Variants in B3GLCT observed in about 807,000 individuals in gnomAD.
B3GLCT encodes beta 3-glucosyltransferase.
Under a neutral mutation model 63.4 loss-of-function variants are expected in B3GLCT, and 65 were observed. That is an observed-to-expected ratio of 1.03 (90% CI 0.84 to 1.26). The LOEUF (loss-of-function observed/expected upper bound fraction) is 1.26, where lower values mean the gene tolerates loss of function less well. Among genes scored for constraint, B3GLCT ranks in the 50% most tolerant of loss-of-function variants. The pLI is 0.00. For missense variants in B3GLCT, 577 were observed against 604.8 expected (o/e 0.95, Z 0.48); for synonymous variants, 233 against 219.2 (o/e 1.06, Z -0.55).
At chr13:31,312,428 T>C (rs1367045644) in intron 12 of B3GLCT, 6 of 152,130 alleles carry the variant, frequency 3.9e-5, no homozygotes, top group Non-Finnish European at 8.8e-5. Flanking sequence ...AGTAAATACA[T>C]TGGAAAGCAG....
chr13:31,202,142 A>G lies in B3GLCT; in HGVS notation c.70+1988A>G, dbSNP rs188525287. Among the ~76,000 whole-genome samples the G allele has an allele frequency of 1.9e-3, 289 of 152,358 alleles. 1 individual carries two copies. Among genetic ancestry groups the G allele is most frequent in the Admixed American group, 0.016 (238 of 15,302 alleles). ...CATGTGAACAATCTTGATAGTTTAT[A>G]AATACCTTAAATATTCCCATATAAG... On this transcript the variant is annotated intron_variant, in intron 1 of 14. Transcript: ENST00000343307.
At chr13:31,295,568 G>T (rs1386200819) in intron 12 of B3GLCT, among the ~76,000 whole-genome samples, 1 of 152,186 alleles carries the variant, frequency 6.6e-6, no homozygotes, top group Admixed American at 6.5e-5. Flanking sequence ...CCTAGCTGTG[G>T]TGGCCTCCAC....
chr13:31,312,527 T>C (rs1401601485), intron 12 of B3GLCT: 1 of 152,156 alleles, frequency 6.6e-6, no homozygotes, highest in African/African-American at 2.4e-5. Context: ...ACAACAAGAA[T>C]GTGGAAACAA....
chr13:31,275,892 A>T (rs1219438815), intron 9 of B3GLCT, among the ~76,000 whole-genome samples: 3 of 152,172 alleles, frequency 2.0e-5, no homozygotes, highest in Non-Finnish European at 1.5e-5. Flanking sequence ...TTCTAGGCAG[A>T]ATGCTTGCTT....
At chr13:31,215,952 C>A (rs987453730) in intron 2 of B3GLCT, among the ~76,000 whole-genome samples, 1 of 152,150 alleles carries the variant, frequency 6.6e-6, no homozygotes, top group Non-Finnish European at 1.5e-5. Context: ...AATCTCAGAG[C>A]TGCTGCTTTT....
At chr13:31,222,443 T>G (rs1029418712) in intron 2 of B3GLCT, among the ~76,000 whole-genome samples, 2 of 152,168 alleles carry the variant, frequency 1.3e-5, no homozygotes, top group African/African-American at 2.4e-5. Context: ...CCCCTAGGAC[T>G]ACTCCTCAGG....
chr13:31,300,603 C>T (rs1012320924), intron 12 of B3GLCT, among the ~76,000 whole-genome samples: 20 of 152,030 alleles, frequency 1.3e-4, no homozygotes, highest in African/African-American at 2.7e-4. Context: ...ATGTGGAAAC[C>T]GGTCCTTGTA....
At chr13:31,317,908 A>C (rs1482173407) in intron 13 of B3GLCT, among the ~76,000 whole-genome samples, 1 of 151,404 alleles carries the variant, frequency 6.6e-6, no homozygotes, top group Non-Finnish European at 1.5e-5. Context: ...AGTATGTCAT[A>C]CTTGCTAGAA....
rs991731861 is a variant in B3GLCT, at chr13:31,246,929, CTT to C, written c.271-89_271-88del. The C allele has an allele frequency of 4.0e-6, 4 of 991,372 alleles. 1 individual carries two copies. The South Asian group carries it at 4.6e-5, about 11-fold the overall frequency. The allele number at this position is 991,372 out of a possible 1,614,324, so 61.4% of individuals were successfully genotyped here. ...TTTAAGCCAAGCCTTTTCTTTTTTT[CTT>C]TTTTCTTTTCTTTTCTTTTCTTTTT... On this transcript the variant is annotated intron_variant, in intron 4 of 14. Coordinates refer to ENST00000343307, the MANE Select transcript of B3GLCT (RefSeq NM_194318.4).
chr13:31,266,648 A>G (rs1593284864), intron 7 of B3GLCT, among the ~76,000 whole-genome samples: 1 of 152,186 alleles, frequency 6.6e-6, no homozygotes, highest in Non-Finnish European at 1.5e-5. Context: ...TAACTCTTCC[A>G]CTAGAAGTCT....
chr13:31,236,237 C>T (rs921182805), intron 4 of B3GLCT, among the ~76,000 whole-genome samples: 7 of 152,184 alleles, frequency 4.6e-5, no homozygotes, highest in African/African-American at 1.7e-4. Context: ...TTGTCCTTAG[C>T]TTTTGAAGCT....
In B3GLCT at chr13:31,226,152, C is replaced by A. The variant is rs553348479; in HGVS notation, c.161-3033C>A. Among the ~76,000 whole-genome samples, 3 of 152,288 alleles carry A rather than the reference C, an allele frequency of 2.0e-5. 1 individual carries two copies. In the South Asian group the frequency reaches 6.2e-4, roughly 32 times the overall value. ...TGGAAGCTCTCCTTGCACTCGCCCCCGATTGTCTGGGCTCCAGTGCCCTGT... is the reference window on the plus strand; with the variant it reads ...TGGAAGCTCTCCTTGCACTCGCCCCAGATTGTCTGGGCTCCAGTGCCCTGT... On this transcript the variant is annotated intron_variant, in intron 3 of 14. Transcript: ENST00000343307.
Position 31,316,431 on chromosome 13 carries a change from A to ATATATATATAT in B3GLCT, c.1065-1135_1065-1134insTATATATATAT, listed in dbSNP as rs1555255278. On this transcript the variant is annotated intron_variant, in intron 12 of 14. Coordinates refer to ENST00000343307, the MANE Select transcript of B3GLCT (RefSeq NM_194318.4). ...TTTATATATATATATATATATATAT[A>ATATATATATAT]AATTTTTTTTTTTTGAGACGGAGTT... Among the ~76,000 whole-genome samples, 57 of 110,016 alleles carry ATATATATATAT rather than the reference A, an allele frequency of 5.2e-4. No individual in the cohort carries two copies. The East Asian group carries it at 5.5e-3, about 11-fold the overall frequency. 72.2% of individuals were successfully genotyped at this position (110,016 alleles called of 152,430 possible). A position where few individuals can be genotyped will look rare whatever the true frequency, so the allele number is the denominator to read the frequency against.
chr13:31,208,872 A>G (rs1320824880), intron 1 of B3GLCT, among the ~76,000 whole-genome samples: 3 of 151,476 alleles, frequency 2.0e-5, no homozygotes, highest in Non-Finnish European at 4.4e-5. Flanking sequence ...GGCCCCTGGT[A>G]CCTTCAGCCT....
At chr13:31,282,750 T>G (rs1260429963) in intron 10 of B3GLCT, among the ~76,000 whole-genome samples, 3 of 152,214 alleles carry the variant, frequency 2.0e-5, no homozygotes, top group Non-Finnish European at 4.4e-5. Flanking sequence ...TCATAATATC[T>G]TAGTATATCT....
intron 4 of B3GLCT, 22 bp downstream of exon 4, chr13:31,229,316 G>T (rs769985615): frequency 1.5e-6 from 2 of 1,365,664 alleles, no homozygotes; most frequent in South Asian, 1.2e-5. Context: ...TGGCTGGGGG[G>T]TCTGCCAGTT....
In B3GLCT at chr13:31,213,047, C is replaced by T. The variant is rs111329531; in HGVS notation, c.71-2004C>T. Among the ~76,000 whole-genome samples, 67 of 150,236 alleles carry T rather than the reference C, an allele frequency of 4.5e-4. 1 individual carries two copies. Among genetic ancestry groups the T allele is most frequent in the Admixed American group, 4.1e-3 (62 of 15,210 alleles). ...GTGTGTGTGTGTGTGCACGCGTGCGCGTGTGTGTGTATGTGTGTGTAAAGT... is the reference window on the plus strand; with the variant it reads ...GTGTGTGTGTGTGTGCACGCGTGCGTGTGTGTGTGTATGTGTGTGTAAAGT... On this transcript the variant is annotated intron_variant, in intron 1 of 14. Transcript: ENST00000343307.
chr13:31,247,925 C>A lies in B3GLCT; in HGVS notation c.418C>A (p.Pro140Thr). ...FCEEETRIQIPKLLETLRRYD... is the reference protein window; with the variant it reads ...FCEEETRIQITKLLETLRRYD... ...TGAAGAAGAGACAAGAATACAGATTCCAAAACTCTTGGAAACCCTCAGAAG... is the reference window on the plus strand; with the variant it reads ...TGAAGAAGAGACAAGAATACAGATTACAAAACTCTTGGAAACCCTCAGAAG... Residue 140 changes from proline (P) to threonine (T), a missense_variant, in exon 6 of 15, where the codon CCA (proline) becomes ACA (threonine). By Grantham distance (38) the Pro-to-Thr change is conservative. Coordinates refer to ENST00000343307, the MANE Select transcript of B3GLCT (RefSeq NM_194318.4). The A allele has an allele frequency of 1.2e-6, 2 of 1,611,044 alleles. No individual in the cohort carries two copies. The highest frequency in any genetic ancestry group is 1.1e-5 in the South Asian group (1 of 91,002).
At chr13:31,260,452 T>C (rs1053473340) in intron 6 of B3GLCT, 11 of 154,270 alleles carry the variant, frequency 7.1e-5, no homozygotes, top group Admixed American at 7.1e-4. Flanking sequence ...TTTGATTTAC[T>C]TTCTTAATTT....
Sources: gnomAD v4.1 joint callset for allele counts (sites outside exome capture counted in the v4.1 genomes callset) on GRCh38, gnomAD v4.1.1 for gene constraint, MANE v1.5 for transcripts, NCBI Gene and HGNC (gene_info 2026-07-23, HGNC 2026-07-21) for gene names.